HDAC9: variants seen among roughly 807,000 people sequenced by gnomAD.
HDAC9 encodes the protein MEF-2 interacting transcription repressor (MITR) protein.
HDAC9 carries 41 observed loss-of-function variants against 139.4 expected under a neutral mutation model. The ratio of observed to expected loss-of-function variants is 0.29; its 90% CI spans 0.23 to 0.38. HDAC9 has a LOEUF of 0.38. Ranked by LOEUF, HDAC9 falls within the 10% of genes least tolerant of loss-of-function variation. The pLI is 1.00. For synonymous variants in HDAC9, 517 were observed against 476.2 expected, an observed-to-expected ratio of 1.09 and a Z score of -1.12; for missense variants, 1,147 against 1,297.0, an observed-to-expected ratio of 0.88 and a Z score of 1.78.
At position 18,574,480 on chromosome 7, in the gene HDAC9, C is replaced by T. The variant is rs548553284; in HGVS notation, c.23-10801C>T. Among the ~76,000 whole-genome samples the T allele has an allele frequency of 1.1e-4, 16 of 152,352 alleles. No individual in the cohort carries two copies. The East Asian group carries it at 2.5e-3, about 24-fold the overall frequency. Reference sequence around the variant, plus strand: ...CACCATAAGTTCTCACTCTGGTCCACGGAACTGACAGCCTGGCCCCCAGGA... The same window carrying T: ...CACCATAAGTTCTCACTCTGGTCCATGGAACTGACAGCCTGGCCCCCAGGA... On this transcript the variant is annotated intron_variant, in intron 2 of 25. Coordinates refer to ENST00000686413, the MANE Select transcript of HDAC9 (RefSeq NM_178425.4).
chr7:18,224,803 A>G (rs1792943061), intron 2 of HDAC9, among the ~76,000 whole-genome samples: 1 of 152,186 alleles, frequency 6.6e-6, no homozygotes, highest in South Asian at 2.1e-4. Context: ...TAATTACAAT[A>G]ATCAAAGAAG....
chr7:18,908,623 A>G (rs1802480540), intron 22 of HDAC9, among the ~76,000 whole-genome samples: 1 of 151,990 alleles, frequency 6.6e-6, no homozygotes. Context: ...TGGCTTCCAC[A>G]TGTAAGTGAG....
At chr7:18,359,301 T>G (rs574332244) in intron 1 of HDAC9, among the ~76,000 whole-genome samples, 13 of 152,168 alleles carry the variant, frequency 8.5e-5, no homozygotes, top group Admixed American at 2.6e-4. Flanking sequence ...TGAGCCAATA[T>G]CGCACCATTG....
At chr7:18,731,317 G>A (rs539742796) in intron 13 of HDAC9, among the ~76,000 whole-genome samples, 4 of 151,998 alleles carry the variant, frequency 2.6e-5, no homozygotes, top group East Asian at 1.9e-4. Context: ...GCAAGGTAGC[G>A]GACACAGACA....
chr7:18,868,196 C>T (rs12530952), intron 21 of HDAC9, among the ~76,000 whole-genome samples: 30,822 of 151,904 alleles, frequency 0.2, 3,499 homozygotes, highest in South Asian at 0.37. Flanking sequence ...GTAGCTAGTA[C>T]CAGCTTTCCC....
At chr7:18,745,801 C>T (rs557831024) in intron 13 of HDAC9, among the ~76,000 whole-genome samples, 3 of 151,680 alleles carry the variant, frequency 2.0e-5, no homozygotes, top group African/African-American at 4.8e-5. Context: ...CCGCCTCGGC[C>T]TCCCAAAGTG....
chr7:18,772,648 C>A (rs1790412431), intron 16 of HDAC9, among the ~76,000 whole-genome samples: 1 of 152,022 alleles, frequency 6.6e-6, no homozygotes, highest in African/African-American at 2.4e-5. Context: ...AAAGGATCCA[C>A]CCTGATTTAG....
intron 2 of HDAC9, among the ~76,000 whole-genome samples, chr7:18,245,864 A>G (rs1275771598): frequency 1.3e-5 from 2 of 152,016 alleles, no homozygotes; most frequent in South Asian, 4.1e-4. Context: ...CCTGATATAT[A>G]TTTTTGAAAT....
chr7:18,666,104 C>T (rs1794787175), intron 11 of HDAC9, 109 bp from the exon 12 acceptor site: 5 of 1,182,788 alleles, frequency 4.2e-6, no homozygotes, highest in Non-Finnish European at 5.9e-6. Flanking sequence ...AATTTATGTT[C>T]AATGATTAGA....
At chr7:18,182,168 G>C (rs1789493086) in intron 2 of HDAC9, among the ~76,000 whole-genome samples, 1 of 152,136 alleles carries the variant, frequency 6.6e-6, no homozygotes, top group Admixed American at 6.5e-5. Context: ...AACTTGAAGA[G>C]CTTGAGAATT....
intron 12 of HDAC9, among the ~76,000 whole-genome samples, chr7:18,700,319 G>A (rs545647340): frequency 3.3e-5 from 5 of 152,252 alleles, no homozygotes; most frequent in South Asian, 2.1e-4. Flanking sequence ...TGTCTTTATC[G>A]TCTTAACTTG....
chr7:18,181,816 G>A (rs563837444), intron 2 of HDAC9, among the ~76,000 whole-genome samples: 154 of 152,144 alleles, frequency 1.0e-3, no homozygotes, highest in Non-Finnish European at 1.7e-3. Flanking sequence ...GAGAGAACCT[G>A]TGGTCTGAAG....
intron 19 of HDAC9, among the ~76,000 whole-genome samples, chr7:18,829,822 T>G (rs538685478): frequency 6.6e-6 from 1 of 152,304 alleles, no homozygotes; most frequent in Non-Finnish European, 1.5e-5. Flanking sequence ...ACTTCCACAG[T>G]TAAAATAACC....
chr7:18,991,585 G>A (rs373163103), intron 25 of HDAC9, among the ~76,000 whole-genome samples: 39 of 151,748 alleles, frequency 2.6e-4, no homozygotes, highest in East Asian at 7.7e-4. Flanking sequence ...TGCAGTGAGC[G>A]GAGATGGTGC....
intron 23 of HDAC9, among the ~76,000 whole-genome samples, chr7:18,952,236 G>T (rs1390321875): frequency 6.6e-6 from 1 of 151,836 alleles, no homozygotes; most frequent in Non-Finnish European, 1.5e-5. Context: ...TTCTAAATTG[G>T]GGGTTTAGGG....
At chr7:18,563,938 C>T (rs897382451) in intron 2 of HDAC9, among the ~76,000 whole-genome samples, 3 of 150,800 alleles carry the variant, frequency 2.0e-5, no homozygotes, top group African/African-American at 7.3e-5. Context: ...TAGGTTCAAG[C>T]AATTCTCCTG....
At chr7:18,538,375 G>A (rs1312143421) in intron 2 of HDAC9, among the ~76,000 whole-genome samples, 2 of 152,186 alleles carry the variant, frequency 1.3e-5, no homozygotes, top group African/African-American at 2.4e-5. Flanking sequence ...AAGTCTGTGA[G>A]TTGCATACTT....
At chr7:18,382,173 T>TA (rs201203633) in intron 1 of HDAC9, among the ~76,000 whole-genome samples, 1,826 of 150,884 alleles carry the variant, frequency 0.012, 28 homozygotes, top group African/African-American at 0.041. Context: ...TTCCATATCT[T>TA]AAAAAAAAAG....
chr7:18,644,379 G>T (rs757622200), intron 8 of HDAC9, among the ~76,000 whole-genome samples: 2 of 151,982 alleles, frequency 1.3e-5, no homozygotes. Context: ...TTTTATCATT[G>T]TACTTTATCA....
Sources: gnomAD v4.1 joint callset for allele counts (sites outside exome capture counted in the v4.1 genomes callset) on GRCh38, gnomAD v4.1.1 for gene constraint, MANE v1.5 for transcripts, NCBI Gene and HGNC (gene_info 2026-07-23, HGNC 2026-07-21) for gene names.